CCSER1: variants seen among roughly 807,000 people sequenced by gnomAD.
CCSER1 encodes serine-rich coiled-coil domain-containing protein 1.
A neutral mutation model predicts 82.0 loss-of-function variants in CCSER1; 41 were observed. The ratio of observed to expected loss-of-function variants is 0.50; its 90% CI spans 0.39 to 0.65. The LOEUF is 0.65. CCSER1 is among the 30% of genes least tolerant of loss of function. CCSER1 has a pLI of 0.00. For synonymous variants in CCSER1, 414 were observed against 383.9 expected (o/e 1.08, Z -0.92); for missense variants, 1,119 against 1,064.2 (o/e 1.05, Z -0.72).
intron 7 of CCSER1, among the ~76,000 whole-genome samples, chr4:90,726,974 T>G (rs1743755936): frequency 6.6e-6 from 1 of 152,126 alleles, no homozygotes; most frequent in African/African-American, 2.4e-5. Context: ...ACTGTATTCT[T>G]TCATAGAAGA....
chr4:91,534,767 T>G (rs2110177671), intron 10 of CCSER1, among the ~76,000 whole-genome samples: 1 of 152,076 alleles, frequency 6.6e-6, no homozygotes, highest in Non-Finnish European at 1.5e-5. Flanking sequence ...ACATGTAGGA[T>G]AATTTCTAAA....
At chr4:90,318,237 G>A (rs1257908871) in intron 3 of CCSER1, among the ~76,000 whole-genome samples, 1 of 152,182 alleles carries the variant, frequency 6.6e-6, no homozygotes, top group Non-Finnish European at 1.5e-5. Context: ...GCCTTGAGAT[G>A]TGTATCTTAA....
At chr4:90,701,110 G>A (rs1738020574) in intron 6 of CCSER1, among the ~76,000 whole-genome samples, 1 of 152,136 alleles carries the variant, frequency 6.6e-6, no homozygotes, top group Non-Finnish European at 1.5e-5. Flanking sequence ...GGTTTTTATG[G>A]TTTTAGGTTT....
intron 10 of CCSER1, among the ~76,000 whole-genome samples, chr4:91,111,610 A>C (rs916305127): frequency 6.6e-6 from 1 of 151,902 alleles, no homozygotes. Context: ...AAATAAAATA[A>C]AGATTGTATA....
At chr4:91,164,863 A>G (rs902625057) in intron 10 of CCSER1, among the ~76,000 whole-genome samples, 2 of 152,108 alleles carry the variant, frequency 1.3e-5, no homozygotes, top group Non-Finnish European at 2.9e-5. Flanking sequence ...GCTTCTTTGC[A>G]ATGGGTTCAA....
At chr4:90,148,569 A>G (rs1221749845) in intron 1 of CCSER1, among the ~76,000 whole-genome samples, 2 of 152,196 alleles carry the variant, frequency 1.3e-5, no homozygotes, top group Non-Finnish European at 2.9e-5. Flanking sequence ...GATCAGAGAG[A>G]TAGGAATTTA....
intron 9 of CCSER1, among the ~76,000 whole-genome samples, chr4:90,961,575 A>T (rs1303337524): frequency 1.3e-5 from 2 of 152,128 alleles, no homozygotes; most frequent in African/African-American, 4.8e-5. Flanking sequence ...TTTCATTCAT[A>T]AAGTACTGAC....
At chr4:91,589,571 GCT>G (rs1491441715) in intron 10 of CCSER1, among the ~76,000 whole-genome samples, 11 of 93,282 alleles carry the variant, frequency 1.2e-4, no homozygotes, top group African/African-American at 4.3e-4. Context: ...TAGACAAGAG[GCT>G]CTTTTTTTTT....
intron 10 of CCSER1, among the ~76,000 whole-genome samples, chr4:91,114,708 C>T (rs975618553): frequency 2.0e-5 from 3 of 152,298 alleles, no homozygotes; most frequent in Admixed American, 2.0e-4. Context: ...ACGGCTCCCG[C>T]TTCTCCTTAT....
chr4:90,208,366 G>A (rs1175842252), intron 1 of CCSER1, among the ~76,000 whole-genome samples: 3 of 152,170 alleles, frequency 2.0e-5, no homozygotes, highest in Non-Finnish European at 2.9e-5. Flanking sequence ...CCAAGCTCAA[G>A]TGTCCCATGT....
chr4:90,440,718 G>A (rs1759749417), intron 4 of CCSER1, among the ~76,000 whole-genome samples: 1 of 152,054 alleles, frequency 6.6e-6, no homozygotes, highest in South Asian at 2.1e-4. Context: ...ACTTTCCCCA[G>A]CTCAGTTTAT....
intron 9 of CCSER1, among the ~76,000 whole-genome samples, chr4:90,928,762 T>G (rs1356350174): frequency 3.3e-5 from 5 of 152,082 alleles, no homozygotes; most frequent in African/African-American, 1.2e-4. Flanking sequence ...TCTTGAAAAT[T>G]CCTTGACGTC....
At chr4:90,539,273 T>C (rs1486640403) in intron 5 of CCSER1, among the ~76,000 whole-genome samples, 1 of 152,036 alleles carries the variant, frequency 6.6e-6, no homozygotes, top group Admixed American at 6.6e-5. Context: ...TGAGTGTAGG[T>C]CATGAAAATG....
chr4:90,749,401 C>G (rs985455366), intron 7 of CCSER1, among the ~76,000 whole-genome samples: 11 of 151,812 alleles, frequency 7.2e-5, no homozygotes, highest in South Asian at 2.1e-4. Flanking sequence ...ATCTATATCT[C>G]TGTTTTGGTA....
chr4:90,629,745 C>T (rs905109502), intron 6 of CCSER1, among the ~76,000 whole-genome samples: 27 of 152,180 alleles, frequency 1.8e-4, no homozygotes, highest in African/African-American at 4.6e-4. Context: ...TGTGCTGTAG[C>T]GGTATGCTTA....
chr4:91,069,439 TATC>T (rs1019322033), intron 9 of CCSER1, among the ~76,000 whole-genome samples: 3 of 151,688 alleles, frequency 2.0e-5, no homozygotes, highest in African/African-American at 4.9e-5. Flanking sequence ...GGTAAATAAA[TATC>T]ATTTTATAGT....
intron 3 of CCSER1, among the ~76,000 whole-genome samples, chr4:90,353,933 T>G (rs1316302143): frequency 6.6e-6 from 1 of 152,176 alleles, no homozygotes; most frequent in East Asian, 1.9e-4. Flanking sequence ...TACTTCTGAC[T>G]GTATATCTGA....
intron 5 of CCSER1, among the ~76,000 whole-genome samples, chr4:90,627,619 T>A (rs1029767393): frequency 2.6e-5 from 4 of 152,118 alleles, no homozygotes; most frequent in Non-Finnish European, 5.9e-5. Context: ...TTTCATTGAA[T>A]CTTACCACTA....
Position 90,405,822 on chromosome 4 carries a change from G to T in CCSER1, c.1603+5693G>T, listed in dbSNP as rs114144619. ...AGACAAATAAACACTGAAATAATTCGCCACTACCAAGCCAGCACTACAGGA... is the reference window on the plus strand; with the variant it reads ...AGACAAATAAACACTGAAATAATTCTCCACTACCAAGCCAGCACTACAGGA... On this transcript the variant is annotated intron_variant, in intron 4 of 10. Transcript: ENST00000509176. Among the ~76,000 whole-genome samples, 4 of 151,994 alleles carry T rather than the reference G, an allele frequency of 2.6e-5. No homozygotes were observed. In the South Asian group the frequency reaches 8.3e-4, roughly 32 times the overall value.
Sources: allele counts gnomAD v4.1 joint callset (sites outside exome capture counted in the v4.1 genomes callset), GRCh38; gene constraint gnomAD v4.1.1; transcripts MANE v1.5; gene names NCBI Gene and HGNC (gene_info 2026-07-23, HGNC 2026-07-21).